Variants in PAPSS2 observed in about 807,000 individuals in gnomAD.
PAPSS2 encodes the protein 3'-phosphoadenosine 5'-phosphosulfate synthase 2.
PAPSS2 carries 61 observed loss-of-function variants against 66.5 expected under a neutral mutation model. The ratio of observed to expected loss-of-function variants is 0.92; its 90% CI spans 0.75 to 1.14. The LOEUF (loss-of-function observed/expected upper bound fraction) is 1.14. PAPSS2 is among the 50% of genes most tolerant of loss of function. The probability of loss-of-function intolerance (pLI) is 0.00; values close to 1 mark genes in which losing one functional copy is unlikely to be tolerated. For missense variants in PAPSS2, 708 were observed against 789.6 expected (o/e 0.90, Z 1.24); for synonymous variants, 289 against 287.5 (o/e 1.01, Z -0.05).
intron 2 of PAPSS2, among the ~76,000 whole-genome samples, 169 bp from the exon 3 acceptor site, chr10:87,712,906 A>G (rs1190751299): frequency 6.6e-5 from 10 of 152,126 alleles, no homozygotes; most frequent in Admixed American, 1.3e-4. Flanking sequence ...AGTTATTTCA[A>G]AATTTGAGAG....
intron 1 of PAPSS2, among the ~76,000 whole-genome samples, chr10:87,686,655 C>T (rs975490847): frequency 6.6e-6 from 1 of 152,194 alleles, no homozygotes; most frequent in Non-Finnish European, 1.5e-5. Context: ...TCTACAATTT[C>T]AGAACTGGTT....
intron 10 of PAPSS2, among the ~76,000 whole-genome samples, 156 bp downstream of exon 10, chr10:87,741,526 C>T (rs1490707571): frequency 5.9e-5 from 9 of 152,046 alleles, no homozygotes; most frequent in Non-Finnish European, 1.3e-4. Context: ...TCCTGAGTAG[C>T]TTGGATTACA....
chr10:87,710,722 C>A (rs140606605), intron 2 of PAPSS2, among the ~76,000 whole-genome samples: 4 of 152,082 alleles, frequency 2.6e-5, no homozygotes, highest in African/African-American at 7.2e-5. Flanking sequence ...AAATCAAGGC[C>A]GGGCTTGGTA....
chr10:87,724,283 C>CAAAATAGTCTTACTAAA (rs1853631170), intron 8 of PAPSS2, among the ~76,000 whole-genome samples: 5 of 148,272 alleles, frequency 3.4e-5, no homozygotes, highest in Admixed American at 1.3e-4. Flanking sequence ...AGTATTCACT[C>CAAAATAGTCTTACTAAA]AAAAAAAAAG....
intron 1 of PAPSS2, among the ~76,000 whole-genome samples, chr10:87,668,881 CTCTT>C (rs1253218825): frequency 6.6e-6 from 1 of 152,178 alleles, no homozygotes; most frequent in Non-Finnish European, 1.5e-5. Context: ...TACCACTTCT[CTCTT>C]TATCACGTGC....
intron 7 of PAPSS2, 65 bp downstream of exon 7, chr10:87,715,908 T>G: frequency 9.4e-7 from 1 of 1,065,914 alleles, no homozygotes; most frequent in Non-Finnish European, 1.5e-6. Flanking sequence ...TTCCCAGAAG[T>G]TTTGCAGGAA....
intron 9 of PAPSS2, among the ~76,000 whole-genome samples, chr10:87,730,219 G>C (rs756289258): frequency 5.3e-5 from 8 of 152,062 alleles, no homozygotes; most frequent in Non-Finnish European, 8.8e-5. Flanking sequence ...AATGAGAAAA[G>C]GCATCCAGAT....
At chr10:87,729,455 G>A (rs766789376) in intron 9 of PAPSS2, among the ~76,000 whole-genome samples, 9 of 152,034 alleles carry the variant, frequency 5.9e-5, no homozygotes, top group African/African-American at 1.9e-4. Flanking sequence ...GGGACACCAC[G>A]AATTGCACCC....
At chr10:87,678,934 T>G (rs906598507) in intron 1 of PAPSS2, among the ~76,000 whole-genome samples, 2 of 152,168 alleles carry the variant, frequency 1.3e-5, no homozygotes, top group Admixed American at 1.3e-4. Flanking sequence ...CGGGTATCTA[T>G]TCAAAGGAAA....
At chr10:87,708,668 T>G (rs1197399082) in intron 1 of PAPSS2, among the ~76,000 whole-genome samples, 1 of 152,162 alleles carries the variant, frequency 6.6e-6, no homozygotes, top group Admixed American at 6.5e-5. Context: ...AAATCAAAAA[T>G]TTTCCAGTTT....
rs773550288 is a variant in PAPSS2, at chr10:87,671,938, G to A, written c.27+11930G>A. On this transcript the variant is annotated intron_variant, in intron 1 of 12. Coordinates refer to ENST00000456849, the MANE Select transcript of PAPSS2 (RefSeq NM_001015880.2). The stretch of plus-strand genomic sequence containing the variant: ...TTTCAGGAGACTCAATTTTATGCAC[G>A]TGGTATTGCCATAAGGGTAATTGCT... 3.0e-4 allele frequency among the ~76,000 whole-genome samples: 45 copies of A among 152,256 alleles called. No homozygotes were observed. In the Middle Eastern group the frequency reaches 0.017, roughly 58 times the overall value.
chr10:87,672,695 A>G (rs935985180), intron 1 of PAPSS2, among the ~76,000 whole-genome samples: 1 of 152,200 alleles, frequency 6.6e-6, no homozygotes, highest in African/African-American at 2.4e-5. Flanking sequence ...GAGGAAAGAG[A>G]AAGGTACAGT....
chr10:87,668,293 G>A (rs995668894), intron 1 of PAPSS2, among the ~76,000 whole-genome samples: 2 of 152,062 alleles, frequency 1.3e-5, no homozygotes, highest in Non-Finnish European at 2.9e-5. Context: ...TCCTTTTTCA[G>A]TTCCTGTCAA....
chr10:87,675,973 T>TTC lies in PAPSS2; in HGVS notation c.27+15966_27+15967insCT, dbSNP rs1252234804. ...AGCTATTTTCCCTTTCCACATTTCTTTTTTTTTTTTTTTTTTTTTTAATGT... is the reference window on the plus strand; with the variant it reads ...AGCTATTTTCCCTTTCCACATTTCTTTCTTTTTTTTTTTTTTTTTTTTAATGT... On this transcript the variant is annotated intron_variant, in intron 1 of 12. Transcript: ENST00000456849. Among the ~76,000 whole-genome samples the TTC allele has an allele frequency of 6.8e-3, 274 of 40,204 alleles. 2 individuals carry two copies. Among genetic ancestry groups the TTC allele is most frequent in the African/African-American group, 0.016 (253 of 15,838 alleles). The allele number at this position is 40,204 out of a possible 152,430, so 26.4% of individuals were successfully genotyped here.
At chr10:87,701,017 A>G (rs896876943) in intron 1 of PAPSS2, among the ~76,000 whole-genome samples, 2 of 151,836 alleles carry the variant, frequency 1.3e-5, no homozygotes, top group Admixed American at 1.3e-4. Flanking sequence ...ATTAATGATC[A>G]AATGGAAGAC....
Position 87,741,349 on chromosome 10 carries a change from A to G in PAPSS2, c.1201A>G (p.Lys401Glu). 1 of 1,613,092 alleles carries G rather than the reference A, an allele frequency of 6.2e-7. No homozygotes were observed. Among genetic ancestry groups the G allele is most frequent in the East Asian group, 2.2e-5 (1 of 44,862 alleles). ...YRLTPLELKQ[K>E]CKEMNADAVF... Reference sequence around the variant, plus strand: ...TCTGACACCTCTGGAGCTCAAACAGAAATGTAAAGAAATGAATGCTGGTAT... The same window carrying G: ...TCTGACACCTCTGGAGCTCAAACAGGAATGTAAAGAAATGAATGCTGGTAT... Residue 401 changes from lysine (K) to glutamate (E), a missense_variant, in exon 10 of 13, where the codon AAA (lysine) becomes GAA (glutamate). Coordinates refer to ENST00000456849, the MANE Select transcript of PAPSS2 (RefSeq NM_001015880.2).
At chr10:87,676,838 A>G in intron 1 of PAPSS2, among the ~76,000 whole-genome samples, 1 of 120,652 alleles carries the variant, frequency 8.3e-6, no homozygotes, top group East Asian at 2.8e-4. Context: ...GTGCCATTGT[A>G]CTCCAGTCTG....
chr10:87,724,849 T>TACACACACACACACACACAC (rs1468115844), intron 8 of PAPSS2, among the ~76,000 whole-genome samples: 1 of 52,080 alleles, frequency 1.9e-5, no homozygotes, highest in Non-Finnish European at 3.3e-5. Flanking sequence ...AATCTCTGTC[T>TACACACACACACACACACAC]ATACACACAC....
intron 1 of PAPSS2, among the ~76,000 whole-genome samples, chr10:87,668,447 T>G (rs533333750): frequency 6.6e-6 from 1 of 152,316 alleles, no homozygotes; most frequent in East Asian, 1.9e-4. Context: ...TTCACTGTCT[T>G]TAAGTCTATT....
Sources: allele counts gnomAD v4.1 joint callset (sites outside exome capture counted in the v4.1 genomes callset), GRCh38; gene constraint gnomAD v4.1.1; transcripts MANE v1.5; gene names NCBI Gene and HGNC (gene_info 2026-07-23, HGNC 2026-07-21).